The following LCLAT1 variants were observed in gnomAD, a reference collection of about 807,000 sequenced individuals.
The protein encoded by LCLAT1 is lysocardiolipin acyltransferase 1, also known as 1-AGP acyltransferase 8.
In LCLAT1, 11 loss-of-function variants were observed where a neutral mutation model predicts 30.7. The observed-to-expected ratio is 0.36, with a 90% CI of 0.23 to 0.59. The LOEUF (loss-of-function observed/expected upper bound fraction) is 0.59, where lower values mean the gene tolerates loss of function less well. LCLAT1 is among the 20% of genes least tolerant of loss of function. LCLAT1 has a pLI of 0.77. For missense variants in LCLAT1, 402 were observed against 458.6 expected (o/e 0.88, Z 1.13); for synonymous variants, 155 against 151.3 (o/e 1.02, Z -0.18).
rs376430310 is a variant in LCLAT1 at position 30,459,671 on chromosome 2, C to T, written c.-5+12288C>T. The T allele has an allele frequency of 1.9e-5, 30 of 1,614,004 alleles. No homozygotes were observed. The highest frequency in any genetic ancestry group is 2.5e-5 in the Non-Finnish European group (30 of 1,179,994). Reference sequence around the variant, plus strand: ...CTGAACCCATGGTCAATTAACGAGGCAGTTTCTAGCTACTGCACGTACTTC... The same window carrying T: ...CTGAACCCATGGTCAATTAACGAGGTAGTTTCTAGCTACTGCACGTACTTC... On this transcript the variant is annotated intron_variant, in intron 1 of 5. Coordinates refer to ENST00000379509, the MANE Select transcript of LCLAT1 (RefSeq NM_001002257.3).
chr2:30,504,917 C>A (rs1352260617), intron 1 of LCLAT1, among the ~76,000 whole-genome samples: 1 of 152,212 alleles, frequency 6.6e-6, no homozygotes. Context: ...TGGCATTAAG[C>A]CTTTTGGGGG....
chr2:30,570,442 CATT>C lies in LCLAT1; in HGVS notation c.628+2269_628+2271del, dbSNP rs773277668. On this transcript the variant is annotated intron_variant, in intron 5 of 5. Transcript: ENST00000379509. Reference sequence around the variant, plus strand: ...AACTGAGCATTTACTATGTACCTGGCATTATGCTGTGTGTTTTATGCCTATGAT... The same window carrying C: ...AACTGAGCATTTACTATGTACCTGGCATGCTGTGTGTTTTATGCCTATGAT... Among the ~76,000 whole-genome samples, 453 of 152,292 alleles carry C rather than the reference CATT, an allele frequency of 3.0e-3. 1 individual carries two copies. Among genetic ancestry groups the C allele is most frequent in the Non-Finnish European group, 5.4e-3 (369 of 68,024 alleles).
intron 1 of LCLAT1, among the ~76,000 whole-genome samples, chr2:30,519,099 C>T (rs1685342923): frequency 6.6e-6 from 1 of 152,218 alleles, no homozygotes; most frequent in Non-Finnish European, 1.5e-5. Context: ...TCCAAAGGCA[C>T]CTGGGCCCTC....
intron 1 of LCLAT1, among the ~76,000 whole-genome samples, chr2:30,520,603 A>T (rs909823450): frequency 6.6e-6 from 1 of 152,216 alleles, no homozygotes; most frequent in African/African-American, 2.4e-5. Context: ...GAAAATACCT[A>T]CATTATGAGA....
chr2:30,523,790 C>G (rs1012627099), intron 1 of LCLAT1, among the ~76,000 whole-genome samples: 18 of 152,188 alleles, frequency 1.2e-4, no homozygotes, highest in South Asian at 2.1e-4. Context: ...ATCGCTTGAA[C>G]CCGGGAGGCA....
intron 1 of LCLAT1, among the ~76,000 whole-genome samples, chr2:30,486,636 G>C (rs183050250): frequency 5.9e-5 from 9 of 152,268 alleles, no homozygotes; most frequent in Admixed American, 4.6e-4. Context: ...ATTCCTACCA[G>C]AATTTGTTCT....
intron 5 of LCLAT1, among the ~76,000 whole-genome samples, chr2:30,635,245 A>AAT (rs34490305): frequency 0.27 from 40,036 of 148,156 alleles, 6,355 homozygotes; most frequent in East Asian, 0.6. Context: ...TATATACACA[A>AAT]ATATATATAT....
At chr2:30,478,071 A>T (rs947005859) in intron 1 of LCLAT1, among the ~76,000 whole-genome samples, 55 of 98,710 alleles carry the variant, frequency 5.6e-4, no homozygotes, top group African/African-American at 1.7e-3. Context: ...GTGAGGGATT[A>T]AAAAAAAAAA....
intron 5 of LCLAT1, among the ~76,000 whole-genome samples, chr2:30,595,406 T>C (rs2593473): frequency 0.097 from 14,703 of 152,132 alleles, 756 homozygotes; most frequent in East Asian, 0.13. Flanking sequence ...CCAAGCATTA[T>C]TGAGCTATCA....
chr2:30,510,870 A>C (rs1393728373), intron 1 of LCLAT1, among the ~76,000 whole-genome samples: 1 of 152,078 alleles, frequency 6.6e-6, no homozygotes, highest in African/African-American at 2.4e-5. Context: ...AACTTTCAGT[A>C]GCTCTTTTAT....
At chr2:30,515,756 A>T (rs1243351714) in intron 1 of LCLAT1, among the ~76,000 whole-genome samples, 1 of 152,226 alleles carries the variant, frequency 6.6e-6, no homozygotes, top group Non-Finnish European at 1.5e-5. Flanking sequence ...TGCACAAAAC[A>T]TGATACTAAA....
chr2:30,528,966 T>C (rs1401726614), intron 2 of LCLAT1, among the ~76,000 whole-genome samples: 1 of 152,176 alleles, frequency 6.6e-6, no homozygotes, highest in Non-Finnish European at 1.5e-5. Context: ...ATCAAGGGTG[T>C]CTTTTATCAC....
At chr2:30,489,988 A>G (rs963714902) in intron 1 of LCLAT1, among the ~76,000 whole-genome samples, 7 of 152,110 alleles carry the variant, frequency 4.6e-5, no homozygotes, top group African/African-American at 2.4e-5. Context: ...CAGTATGTAT[A>G]CTCTGCACCA....
chr2:30,640,350 T>C lies in LCLAT1; in HGVS notation c.862T>C (p.Tyr288His), dbSNP rs748234114. ...CTTCTATCAAGGGGAGAAGAATTTT[T>C]ATTTTACCGGACAGAGTGTCATTCC... Reference protein sequence around the residue: ...RSFYQGEKNFYFTGQSVIPPC... With the variant: ...RSFYQGEKNFHFTGQSVIPPC... The change falls in exon 6 of 6, where the codon TAT (tyrosine) becomes CAT (histidine). Residue 288 changes from tyrosine to histidine, a missense_variant. By Grantham distance (83) the Tyr-to-His change is moderately conservative. Transcript: ENST00000379509. The C allele has an allele frequency of 2.5e-6, 4 of 1,614,076 alleles. No individual in the cohort carries two copies. The highest frequency in any genetic ancestry group is 3.4e-6 in the Non-Finnish European group (4 of 1,180,044).
chr2:30,459,889 A>G (rs1186473049), intron 1 of LCLAT1, among the ~76,000 whole-genome samples: 2 of 152,144 alleles, frequency 1.3e-5, no homozygotes, highest in Admixed American at 6.5e-5. Flanking sequence ...ATTCATTTCT[A>G]TTGGAGGGAG....
intron 3 of LCLAT1, among the ~76,000 whole-genome samples, chr2:30,553,565 C>T (rs1373187775): frequency 2.0e-5 from 3 of 152,144 alleles, no homozygotes; most frequent in Non-Finnish European, 2.9e-5. Flanking sequence ...CCTGTAATCC[C>T]AGCACTTTGG....
At chr2:30,560,324 GTAT>G (rs1307158312) in intron 3 of LCLAT1, among the ~76,000 whole-genome samples, 5 of 131,014 alleles carry the variant, frequency 3.8e-5, no homozygotes, top group African/African-American at 9.3e-5. Flanking sequence ...GTGTGTGTGT[GTAT>G]TATTTATTTA....
rs138247554 is a variant in LCLAT1, at chr2:30,576,274, C to T, written c.628+8098C>T. 1.1e-4 allele frequency among the ~76,000 whole-genome samples: 16 copies of T among 152,184 alleles called. No individual in the cohort carries two copies. In the East Asian group the frequency reaches 1.3e-3, roughly 13 times the overall value. On this transcript the variant is annotated intron_variant, in intron 5 of 5. Transcript: ENST00000379509. Reference sequence around the variant, plus strand: ...GGAATTGCCTTTGAGTGATGACTTTCGGTAGACTTTACACTGACCATAAAG... The same window carrying T: ...GGAATTGCCTTTGAGTGATGACTTTTGGTAGACTTTACACTGACCATAAAG...
intron 1 of LCLAT1, among the ~76,000 whole-genome samples, chr2:30,457,696 G>A (rs1261686409): frequency 6.6e-6 from 1 of 152,144 alleles, no homozygotes; most frequent in Non-Finnish European, 1.5e-5. Flanking sequence ...AGATAGAGGT[G>A]TTGATTTTAT....
Sources: allele counts gnomAD v4.1 joint callset (sites outside exome capture counted in the v4.1 genomes callset), GRCh38; gene constraint gnomAD v4.1.1; transcripts MANE v1.5; gene names NCBI Gene and HGNC (gene_info 2026-07-23, HGNC 2026-07-21).